The following KLRG1 variants were observed in gnomAD, a reference collection of about 807,000 sequenced individuals.
KLRG1 encodes killer cell lectin-like receptor subfamily G member 1.
A neutral mutation model predicts 21.8 loss-of-function variants in KLRG1; 16 were observed. The ratio of observed to expected loss-of-function variants is 0.73; its 90% CI spans 0.50 to 1.11. The LOEUF (loss-of-function observed/expected upper bound fraction) is 1.11. KLRG1 is among the 50% of genes most tolerant of loss of function. The probability of loss-of-function intolerance (pLI) is 0.00; values close to 1 mark genes in which losing one functional copy is unlikely to be tolerated. For missense variants in KLRG1, 173 were observed against 218.3 expected (o/e 0.79, Z 1.31); for synonymous variants, 69 against 75.9 (o/e 0.91, Z 0.47).
downstream of KLRG1, among the ~76,000 whole-genome samples, chr12:9,014,343 G>T (rs1225513381): frequency 6.6e-6 from 1 of 151,942 alleles, no homozygotes; most frequent in Non-Finnish European, 1.5e-5. Flanking sequence ...ATAAAGAAAG[G>T]ATCCTAAAAG....
At chr12:9,196,253 T>C in the KLRG1 span, 2 of 954,286 alleles carry the variant, frequency 2.1e-6, no homozygotes, top group Non-Finnish European at 3.3e-6. Context: ...ACTAACCAAG[T>C]GTGGGCTGCA....
At chr12:9,124,363 G>A in the KLRG1 span, among the ~76,000 whole-genome samples, 1 of 152,118 alleles carries the variant, frequency 6.6e-6, no homozygotes, top group East Asian at 1.9e-4. Flanking sequence ...TGCAGACCGC[G>A]GCCTCCTGCT....
chr12:8,995,198 C>T lies in KLRG1; in HGVS notation c.267C>T (p.Phe89=). ...WMKYGNHCYY[F]SVEEKDWNSS... ...AATATGGTAACCATTGTTATTATTT[C>T]TCAGTGGAGGAAAAGGACTGGAATT... The change falls in exon 3 of 5, where the codon TTC becomes TTT. Residue 89 remains phenylalanine (F), a synonymous_variant. Transcript: ENST00000356986. The T allele has an allele frequency of 1.9e-6, 3 of 1,613,854 alleles. No individual in the cohort carries two copies. Among genetic ancestry groups the T allele is most frequent in the Non-Finnish European group, 2.5e-6 (3 of 1,179,834 alleles).
chr12:9,066,443 C>A, the KLRG1 span: 4 of 152,438 alleles, frequency 2.6e-5, no homozygotes, highest in African/African-American at 9.6e-5. Flanking sequence ...GCACCTGGAG[C>A]TGCCCAACCT....
chr12:9,076,765 C>T, the KLRG1 span: 2 of 1,613,904 alleles, frequency 1.2e-6, no homozygotes, highest in South Asian at 1.1e-5. Flanking sequence ...CCTTTCTTCA[C>T]AGCTTCCTCA....
chr12:9,051,422 C>G, the KLRG1 span, among the ~76,000 whole-genome samples: 1 of 152,000 alleles, frequency 6.6e-6, no homozygotes, highest in Non-Finnish European at 1.5e-5. Context: ...GAGGAACTAC[C>G]CTCTCTGCTG....
chr12:9,149,554 C>T, the KLRG1 span: 1 of 1,611,902 alleles, frequency 6.2e-7, no homozygotes, highest in Non-Finnish European at 8.5e-7. Context: ...AAGTGGTGAA[C>T]TCTTACCTGT....
chr12:9,068,805 A>G, the KLRG1 span: 6 of 1,607,686 alleles, frequency 3.7e-6, no homozygotes, highest in Non-Finnish European at 5.1e-6. Context: ...GACATCTTGC[A>G]GAACCGTGAA....
At chr12:9,202,192 T>G in the KLRG1 span, 1 of 834,414 alleles carries the variant, frequency 1.2e-6, no homozygotes. Flanking sequence ...AAATCTGTGC[T>G]GAGGCTGGAG....
At chr12:9,094,854 T>A in the KLRG1 span, 4 of 482,696 alleles carry the variant, frequency 8.3e-6, no homozygotes, top group Non-Finnish European at 1.4e-5. Flanking sequence ...GCAATAACCT[T>A]AATATGTATG....
intron 1 of KLRG1, among the ~76,000 whole-genome samples, chr12:8,964,554 G>A (rs1177548533): frequency 8.8e-5 from 13 of 148,426 alleles, no homozygotes; most frequent in South Asian, 4.4e-4. Flanking sequence ...TATTAGGTCC[G>A]CTTGGTGCAG....
chr12:9,185,321 G>A, the KLRG1 span, among the ~76,000 whole-genome samples: 1 of 152,094 alleles, frequency 6.6e-6, no homozygotes, highest in South Asian at 2.1e-4. Flanking sequence ...CCAAGCTGAG[G>A]AAAGAATCTC....
At chr12:9,160,556 A>G in the KLRG1 span, 1 of 1,453,820 alleles carries the variant, frequency 6.9e-7, no homozygotes, top group South Asian at 1.2e-5. Flanking sequence ...ATTATTAACA[A>G]AAATGGCCTT....
intron 1 of KLRG1, among the ~76,000 whole-genome samples, chr12:8,969,341 A>G (rs917160988): frequency 6.6e-6 from 1 of 152,166 alleles, no homozygotes; most frequent in Non-Finnish European, 1.5e-5. Context: ...GGAAGTTGCC[A>G]TTGGGTGGCT....
chr12:8,952,195 T>C (rs1946216234), intron 1 of KLRG1, among the ~76,000 whole-genome samples: 1 of 152,242 alleles, frequency 6.6e-6, no homozygotes, highest in Admixed American at 6.5e-5. Context: ...AGGTAAATTG[T>C]TCACCTTGTT....
chr12:9,069,476 T>G, the KLRG1 span, among the ~76,000 whole-genome samples: 233 of 152,312 alleles, frequency 1.5e-3, no homozygotes, highest in Middle Eastern at 3.4e-3. Flanking sequence ...CCAAAAAACT[T>G]GTCAACATAA....
chr12:9,174,193 G>A, the KLRG1 span, among the ~76,000 whole-genome samples: 356 of 152,164 alleles, frequency 2.3e-3, no homozygotes, highest in Non-Finnish European at 3.5e-3. Flanking sequence ...CAATAAGTGC[G>A]ATTCATTACA....
At chr12:9,089,953 T>G in the KLRG1 span, 2 of 1,612,752 alleles carry the variant, frequency 1.2e-6, no homozygotes, top group South Asian at 2.2e-5. Flanking sequence ...GTTCAGGAAC[T>G]GAAGGCACCT....
the KLRG1 span, among the ~76,000 whole-genome samples, chr12:9,189,415 G>T: frequency 1.3e-5 from 2 of 152,268 alleles, no homozygotes; most frequent in African/African-American, 4.8e-5. Flanking sequence ...TCAATAAATG[G>T]TGCTGAGATA....
Sources: allele counts gnomAD v4.1 joint callset (sites outside exome capture counted in the v4.1 genomes callset), GRCh38; gene constraint gnomAD v4.1.1; transcripts MANE v1.5; gene names NCBI Gene and HGNC (gene_info 2026-07-23, HGNC 2026-07-21).